Variants in AUTS2 observed in about 807,000 individuals in gnomAD.
AUTS2 encodes activator of transcription and developmental regulator AUTS2.
In AUTS2, 17 loss-of-function variants were observed where a neutral mutation model predicts 112.4. That is an observed-to-expected ratio of 0.15 (90% CI 0.10 to 0.23). The LOEUF (loss-of-function observed/expected upper bound fraction) is 0.23, where lower values mean the gene tolerates loss of function less well. Ranked by LOEUF, AUTS2 falls within the 10% of genes least tolerant of loss-of-function variation. The probability of loss-of-function intolerance (pLI) is 1.00; values close to 1 mark genes in which losing one functional copy is unlikely to be tolerated. For synonymous variants in AUTS2, 751 were observed against 702.7 expected, an observed-to-expected ratio of 1.07 and a Z score of -1.09; for missense variants, 1,510 against 1,701.6, an observed-to-expected ratio of 0.89 and a Z score of 1.98.
At chr7:70,160,437 G>T (rs1808015855) in intron 4 of AUTS2, among the ~76,000 whole-genome samples, 1 of 152,162 alleles carries the variant, frequency 6.6e-6, no homozygotes, top group African/African-American at 2.4e-5. Context: ...TCACCTACTT[G>T]AAGGCCCATT....
At chr7:70,261,063 G>C (rs1035542120) in intron 4 of AUTS2, among the ~76,000 whole-genome samples, 6 of 151,974 alleles carry the variant, frequency 3.9e-5, no homozygotes, top group Non-Finnish European at 8.8e-5. Context: ...TACACTTTTT[G>C]TAATAGCCAA....
At chr7:70,636,181 C>T (rs1034570929) in intron 5 of AUTS2, among the ~76,000 whole-genome samples, 3 of 152,170 alleles carry the variant, frequency 2.0e-5, no homozygotes, top group African/African-American at 4.8e-5. Flanking sequence ...AGCTGTGTCA[C>T]GAGGAGTGGC....
At chr7:70,471,876 G>A (rs1797396866) in intron 5 of AUTS2, among the ~76,000 whole-genome samples, 1 of 152,046 alleles carries the variant, frequency 6.6e-6, no homozygotes, top group East Asian at 1.9e-4. Context: ...GGATTCGTAA[G>A]GTAGCAGTGT....
intron 4 of AUTS2, chr7:70,290,387 T>G: frequency 6.6e-7 from 1 of 1,514,488 alleles, no homozygotes; most frequent in South Asian, 1.3e-5. Context: ...AAGATGTGCC[T>G]TGGAGAGGAA....
chr7:70,672,416 G>A (rs1186056453), intron 5 of AUTS2, among the ~76,000 whole-genome samples: 1 of 152,136 alleles, frequency 6.6e-6, no homozygotes, highest in Non-Finnish European at 1.5e-5. Context: ...GAGACAGTCT[G>A]CCACTTCTGC....
chr7:70,256,743 T>A (rs1786894254), intron 4 of AUTS2, among the ~76,000 whole-genome samples: 1 of 152,182 alleles, frequency 6.6e-6, no homozygotes, highest in Non-Finnish European at 1.5e-5. Flanking sequence ...TTTCTGCCAG[T>A]TGGGTTCATT....
At chr7:70,420,203 C>T (rs767080039) in intron 4 of AUTS2, among the ~76,000 whole-genome samples, 6 of 152,160 alleles carry the variant, frequency 3.9e-5, no homozygotes, top group Non-Finnish European at 8.8e-5. Context: ...CTACTCAAGC[C>T]AGCGCTTATA....
intron 5 of AUTS2, among the ~76,000 whole-genome samples, chr7:70,588,790 C>T (rs1346293354): frequency 1.3e-5 from 2 of 152,086 alleles, no homozygotes; most frequent in African/African-American, 4.8e-5. Context: ...TCAAATAGTG[C>T]TGTACAGATC....
At chr7:70,260,999 G>A (rs1409066174) in intron 4 of AUTS2, among the ~76,000 whole-genome samples, 3 of 151,966 alleles carry the variant, frequency 2.0e-5, no homozygotes, top group South Asian at 2.1e-4. Context: ...CACCCGCCTC[G>A]GGCTCCCAAA....
intron 2 of AUTS2, among the ~76,000 whole-genome samples, chr7:69,942,913 T>A (rs1796680269): frequency 6.6e-6 from 1 of 152,242 alleles, no homozygotes; most frequent in South Asian, 2.1e-4. Context: ...TTTTTCTGTA[T>A]TTACTGACTA....
At chr7:69,689,474 C>T (rs1797218286) in intron 1 of AUTS2, among the ~76,000 whole-genome samples, 2 of 145,922 alleles carry the variant, frequency 1.4e-5, no homozygotes, top group South Asian at 4.3e-4. Context: ...CCTCAGCTTT[C>T]CGAGTAGCTG....
chr7:70,673,343 G>A (rs1011934519), intron 5 of AUTS2, among the ~76,000 whole-genome samples: 16 of 151,500 alleles, frequency 1.1e-4, no homozygotes, highest in East Asian at 2.0e-4. Flanking sequence ...GTACTCACTT[G>A]TAACACTTGA....
chr7:70,499,025 T>C (rs950541972), intron 5 of AUTS2, among the ~76,000 whole-genome samples: 2 of 152,062 alleles, frequency 1.3e-5, no homozygotes, highest in Non-Finnish European at 2.9e-5. Flanking sequence ...CCCTGGGACA[T>C]TGGTTTTGGC....
chr7:70,677,547 A>G (rs1676189391), intron 5 of AUTS2, among the ~76,000 whole-genome samples: 1 of 152,012 alleles, frequency 6.6e-6, no homozygotes, highest in South Asian at 2.1e-4. Context: ...TTCTCACCTT[A>G]GCTTTGCCCC....
In AUTS2 at chr7:70,004,302, T is replaced by C. The variant is rs557949933; in HGVS notation, c.522+104804T>C. 1.1e-3 allele frequency among the ~76,000 whole-genome samples: 146 copies of C among 135,730 alleles called. 1 individual carries two copies. Among genetic ancestry groups the C allele is most frequent in the African/African-American group, 3.9e-3 (141 of 36,080 alleles). 89.0% of individuals were successfully genotyped at this position (135,730 alleles called of 152,430 possible). On this transcript the variant is annotated intron_variant, in intron 2 of 18. Transcript: ENST00000342771. ...ATGTGTTATATATGAATATATTATA[T>C]GTGACTATATATTATATATATAATA...
intron 4 of AUTS2, among the ~76,000 whole-genome samples, chr7:70,379,033 T>C (rs1047568059): frequency 2.6e-5 from 4 of 152,206 alleles, no homozygotes; most frequent in African/African-American, 9.6e-5. Context: ...ACTGCTGTTA[T>C]GAATTTCATG....
intron 5 of AUTS2, among the ~76,000 whole-genome samples, chr7:70,677,189 C>T (rs1015267262): frequency 6.6e-6 from 1 of 152,286 alleles, no homozygotes; most frequent in African/African-American, 2.4e-5. Flanking sequence ...CCTTCCCCAG[C>T]GCAGTAAACG....
rs146582497 is a variant in AUTS2, at chr7:70,632,420, G to A, written c.691-66149G>A. ...GCCCCTTGGCCTTTGCTCATTCTTC[G>A]TGGGCTCCAATGGAGGGTGGACCCT... On this transcript the variant is annotated intron_variant, in intron 5 of 18. Transcript: ENST00000342771. Among the ~76,000 whole-genome samples, 62 of 152,064 alleles carry A rather than the reference G, an allele frequency of 4.1e-4. 1 individual carries two copies. In the East Asian group the frequency reaches 0.011, roughly 26 times the overall value.
At chr7:70,453,606 A>G (rs1302319821) in intron 5 of AUTS2, among the ~76,000 whole-genome samples, 1 of 152,222 alleles carries the variant, frequency 6.6e-6, no homozygotes, top group Non-Finnish European at 1.5e-5. Flanking sequence ...CAGCAGGGCC[A>G]CATTCCTCCC....
Sources: gnomAD v4.1 joint callset for allele counts (sites outside exome capture counted in the v4.1 genomes callset) on GRCh38, gnomAD v4.1.1 for gene constraint, MANE v1.5 for transcripts, NCBI Gene and HGNC (gene_info 2026-07-23, HGNC 2026-07-21) for gene names.